EYS: variants seen among roughly 807,000 people sequenced by gnomAD.
The protein encoded by EYS is protein eyes shut homolog.
EYS carries 250 observed loss-of-function variants against 282.1 expected under a neutral mutation model. The ratio of observed to expected loss-of-function variants is 0.89; its 90% CI spans 0.80 to 0.98. The LOEUF is 0.98. Among genes scored for constraint, EYS ranks in the 50% least tolerant of loss-of-function variants. The probability of loss-of-function intolerance (pLI) is 0.00; values close to 1 mark genes in which losing one functional copy is unlikely to be tolerated. For synonymous variants in EYS, 1,355 were observed against 1,282.9 expected (o/e 1.06, Z -1.20); for missense variants, 4,016 against 3,709.0 (o/e 1.08, Z -2.15).
rs541889088 is a variant in EYS, at chr6:65,327,805, C to T, written c.1766+7175G>A. On this transcript the variant is annotated intron_variant, in intron 11 of 42. Coordinates refer to ENST00000503581, the MANE Select transcript of EYS (RefSeq NM_001142800.2). ...GTGGTTAGCTCTTTGCACTCATACA[C>T]AGAATTACCATGGGTTTGGTAGCCA... Among the ~76,000 whole-genome samples the T allele has an allele frequency of 5.8e-4, 88 of 151,522 alleles. 2 individuals carry two copies. In the South Asian group the frequency reaches 0.018, roughly 31 times the overall value.
chr6:65,559,843 T>A (rs1475710588), intron 2 of EYS, among the ~76,000 whole-genome samples: 1 of 151,916 alleles, frequency 6.6e-6, no homozygotes, highest in African/African-American at 2.4e-5. Flanking sequence ...TTTTGATGTA[T>A]ATTTTAGCTT....
intron 35 of EYS, among the ~76,000 whole-genome samples, chr6:63,922,896 C>T (rs749846728): frequency 6.6e-6 from 1 of 152,146 alleles, no homozygotes; most frequent in Non-Finnish European, 1.5e-5. Context: ...GCCAGCTGAC[C>T]TCATTTCTAG....
In EYS at chr6:64,388,724, A is replaced by G. The variant is rs746398596; in HGVS notation, c.6044T>C (p.Ile2015Thr). The G allele has an allele frequency of 3.2e-6, 5 of 1,542,162 alleles. No individual in the cohort carries two copies. Among genetic ancestry groups the G allele is most frequent in the Non-Finnish European group, 4.4e-6 (5 of 1,142,684 alleles). Residue 2015 changes from isoleucine (I) to threonine (T), a missense_variant, in exon 29 of 43, where the codon ATT (isoleucine) becomes ACT (threonine). Coordinates refer to ENST00000503581, the MANE Select transcript of EYS (RefSeq NM_001142800.2). ...CCCATGAAGGTCTGGAAATCCACCA[A>G]TGAAGACAGATCCTGATTTTGGCAG... The part of the protein sequence containing the change: ...KPLPKSGSVF[I>T]GGFPDLHGKI...
At chr6:64,788,574 A>G (rs1226302079) in intron 22 of EYS, among the ~76,000 whole-genome samples, 1 of 152,186 alleles carries the variant, frequency 6.6e-6, no homozygotes, top group African/African-American at 2.4e-5. Flanking sequence ...AATGGAGAGT[A>G]TCCAGGGGTC....
At chr6:64,910,180 C>T (rs1180121836) in intron 16 of EYS, among the ~76,000 whole-genome samples, 1 of 152,072 alleles carries the variant, frequency 6.6e-6, no homozygotes, top group Non-Finnish European at 1.5e-5. Flanking sequence ...TCTTGGAATT[C>T]TTTGTAGTTC....
intron 4 of EYS, among the ~76,000 whole-genome samples, 188 bp from the exon 5 acceptor site, chr6:65,490,895 A>G (rs975627257): frequency 6.6e-6 from 1 of 152,074 alleles, no homozygotes; most frequent in Non-Finnish European, 1.5e-5. Flanking sequence ...TAAGTTTTTC[A>G]TCTTCTGACC....
chr6:63,957,043 T>G (rs1482623868), intron 35 of EYS, among the ~76,000 whole-genome samples: 1 of 152,224 alleles, frequency 6.6e-6, no homozygotes, highest in Non-Finnish European at 1.5e-5. Flanking sequence ...CTCTTCCTTT[T>G]TCTGGATGTA....
chr6:64,125,143 A>ACTCTCTCTCTCTCTCTCTCTCTCTCT (rs1562213495), intron 31 of EYS, among the ~76,000 whole-genome samples: 1 of 147,298 alleles, frequency 6.8e-6, no homozygotes, highest in African/African-American at 2.6e-5. Context: ...ACACACACAC[A>ACTCTCTCTCTCTCTCTCTCTCTCTCT]CACACTCTCT....
chr6:64,792,757 C>A (rs1774230286), intron 22 of EYS, among the ~76,000 whole-genome samples: 1 of 151,834 alleles, frequency 6.6e-6, no homozygotes, highest in African/African-American at 2.4e-5. Context: ...TAATGTTAGG[C>A]TAAGAAAGGG....
At chr6:65,584,882 G>C (rs1187081084) in intron 2 of EYS, among the ~76,000 whole-genome samples, 1 of 144,626 alleles carries the variant, frequency 6.9e-6, no homozygotes, top group East Asian at 2.1e-4. Flanking sequence ...TAGCACTATG[G>C]GAATATTATA....
At chr6:64,265,659 G>C (rs1767734030) in intron 30 of EYS, among the ~76,000 whole-genome samples, 1 of 152,118 alleles carries the variant, frequency 6.6e-6, no homozygotes, top group Non-Finnish European at 1.5e-5. Context: ...GGACAAGTAT[G>C]TTGACCTTAG....
chr6:65,476,077 A>G (rs182515150), intron 5 of EYS, among the ~76,000 whole-genome samples: 1 of 151,688 alleles, frequency 6.6e-6, no homozygotes, highest in Non-Finnish European at 1.5e-5. Flanking sequence ...AAAAAAATTT[A>G]AAAAAAAGTA....
At chr6:65,091,452 G>GAAATAAAT (rs59923804) in intron 12 of EYS, among the ~76,000 whole-genome samples, 13,613 of 144,126 alleles carry the variant, frequency 0.094, 814 homozygotes, top group African/African-American at 0.15. Flanking sequence ...TACATCTCAA[G>GAAATAAAT]AAATAAATAA....
intron 8 of EYS, among the ~76,000 whole-genome samples, chr6:65,363,405 A>T (rs1764788961): frequency 6.6e-6 from 1 of 151,970 alleles, no homozygotes. Context: ...TAGGTTCAAG[A>T]TAACCAACAT....
At chr6:64,392,235 C>T (rs954741137) in intron 28 of EYS, among the ~76,000 whole-genome samples, 5 of 148,254 alleles carry the variant, frequency 3.4e-5, no homozygotes, top group South Asian at 2.1e-4. Flanking sequence ...AAAGTCAACA[C>T]GGATACCCAG....
chr6:64,153,062 T>C (rs1774793606), intron 31 of EYS, among the ~76,000 whole-genome samples: 1 of 152,184 alleles, frequency 6.6e-6, no homozygotes, highest in Admixed American at 6.5e-5. Flanking sequence ...TAACGCCTAA[T>C]AATAACTGTG....
At chr6:65,074,351 T>C (rs1027931676) in intron 12 of EYS, among the ~76,000 whole-genome samples, 1 of 151,924 alleles carries the variant, frequency 6.6e-6, no homozygotes, top group Admixed American at 6.6e-5. Context: ...TCCCAAATTA[T>C]TGTCCTGAAT....
At chr6:64,201,114 G>T (rs1056679973) in intron 31 of EYS, among the ~76,000 whole-genome samples, 4 of 152,020 alleles carry the variant, frequency 2.6e-5, no homozygotes, top group Non-Finnish European at 4.4e-5. Flanking sequence ...TATAGGTTTT[G>T]CCAGATGAAG....
At chr6:65,476,850 C>T (rs1047821601) in intron 5 of EYS, among the ~76,000 whole-genome samples, 1 of 152,162 alleles carries the variant, frequency 6.6e-6, no homozygotes, top group Admixed American at 6.5e-5. Context: ...GCTGGGATTA[C>T]AGGCATGAGC....
Sources: allele counts gnomAD v4.1 joint callset (sites outside exome capture counted in the v4.1 genomes callset), GRCh38; gene constraint gnomAD v4.1.1; transcripts MANE v1.5; gene names NCBI Gene and HGNC (gene_info 2026-07-23, HGNC 2026-07-21).